The following DLGAP2 variants were observed in gnomAD, a reference collection of about 807,000 sequenced individuals.
DLGAP2 encodes the protein disks large-associated protein 2.
Under a neutral mutation model 100.3 loss-of-function variants are expected in DLGAP2, and 26 were observed. The ratio of observed to expected loss-of-function variants is 0.26; its 90% CI spans 0.19 to 0.36. The LOEUF (loss-of-function observed/expected upper bound fraction) is 0.36, where lower values mean the gene tolerates loss of function less well. Ranked by LOEUF, DLGAP2 falls within the 10% of genes least tolerant of loss-of-function variation. DLGAP2 has a pLI of 1.00. For synonymous variants in DLGAP2, 886 were observed against 630.1 expected, an observed-to-expected ratio of 1.41 and a Z score of -6.08; for missense variants, 1,858 against 1,453.2, an observed-to-expected ratio of 1.28 and a Z score of -4.53.
intron 1 of DLGAP2, among the ~76,000 whole-genome samples, chr8:848,994 T>C (rs190426707): frequency 3.4e-4 from 52 of 152,062 alleles, no homozygotes; most frequent in African/African-American, 1.2e-3. Flanking sequence ...TGTTCCAGCA[T>C]AGGATCGTGA....
chr8:873,406 G>A (rs1160271662), intron 1 of DLGAP2, among the ~76,000 whole-genome samples: 9 of 152,176 alleles, frequency 5.9e-5, no homozygotes, highest in Non-Finnish European at 1.3e-4. Context: ...TCTTGTTCCT[G>A]ATCTTAGAGA....
At position 1,357,354 on chromosome 8, in the gene DLGAP2, C is replaced by T. The variant is rs141302099; in HGVS notation, c.106+98471C>T. On this transcript the variant is annotated intron_variant, in intron 3 of 14. Coordinates refer to ENST00000637795, the MANE Select transcript of DLGAP2 (RefSeq NM_001346810.2). ...CTCATCACACTGACACCCCTGTTCA[C>T]CTAAACCAGATACAACCCCTTCCTG... is the stretch of plus-strand genomic sequence containing the variant. Among the ~76,000 whole-genome samples, 778 of 152,104 alleles carry T rather than the reference C, an allele frequency of 5.1e-3. 6 individuals are homozygous for T. The highest frequency in any genetic ancestry group is 0.017 in the African/African-American group (695 of 41,524).
intron 3 of DLGAP2, among the ~76,000 whole-genome samples, chr8:1,499,044 G>A (rs1191791843): frequency 6.6e-6 from 1 of 152,228 alleles, no homozygotes; most frequent in Non-Finnish European, 1.5e-5. Context: ...AAGGGCGGGT[G>A]GGAGGAGATC....
intron 6 of DLGAP2, among the ~76,000 whole-genome samples, chr8:1,581,389 G>T (rs912823380): frequency 3.2e-4 from 48 of 150,424 alleles, no homozygotes; most frequent in African/African-American, 1.1e-3. Context: ...ACTACCAGAA[G>T]TGAAGGATAC....
At chr8:1,039,930 GCATGGTCGGCTCAGTTTC>G (rs1333611141) in intron 2 of DLGAP2, among the ~76,000 whole-genome samples, 3 of 144,048 alleles carry the variant, frequency 2.1e-5, no homozygotes, top group Non-Finnish European at 3.0e-5. Flanking sequence ...AGCTCGGTGT[GCATGGTCGGCTCAGTTTC>G]CGTGGTCAGC....
At chr8:866,273 T>C (rs1382585472) in intron 1 of DLGAP2, among the ~76,000 whole-genome samples, 1 of 152,158 alleles carries the variant, frequency 6.6e-6, no homozygotes, top group Non-Finnish European at 1.5e-5. Flanking sequence ...TCATGGACTC[T>C]CTTCTACAAG....
chr8:1,485,818 A>G lies in DLGAP2; in HGVS notation c.107-15548A>G, dbSNP rs1053366895. Among the ~76,000 whole-genome samples, 3 of 152,282 alleles carry G rather than the reference A, an allele frequency of 2.0e-5. No homozygotes were observed. In the South Asian group the frequency reaches 6.2e-4, roughly 32 times the overall value. On this transcript the variant is annotated intron_variant, in intron 3 of 14. Coordinates refer to ENST00000637795, the MANE Select transcript of DLGAP2 (RefSeq NM_001346810.2). ...GGCAGATGGATCACTTGAAGTTAGGAGTTTGAGAACAGCCTGGCCAACATG... is the reference window on the plus strand; with the variant it reads ...GGCAGATGGATCACTTGAAGTTAGGGGTTTGAGAACAGCCTGGCCAACATG...
At chr8:1,302,929 G>A (rs944486380) in intron 3 of DLGAP2, among the ~76,000 whole-genome samples, 1 of 152,216 alleles carries the variant, frequency 6.6e-6, no homozygotes, top group Non-Finnish European at 1.5e-5. Flanking sequence ...GCTTTTGGTA[G>A]ATTCAGTAAA....
intron 8 of DLGAP2, among the ~76,000 whole-genome samples, chr8:1,667,853 C>G (rs188659413): frequency 1.6e-4 from 25 of 151,766 alleles, no homozygotes; most frequent in Non-Finnish European, 3.2e-4. Flanking sequence ...CCTTGCCTAG[C>G]TGTGTCTCTG....
At chr8:1,687,993 A>G (rs1215225912) in intron 12 of DLGAP2, among the ~76,000 whole-genome samples, 1 of 152,200 alleles carries the variant, frequency 6.6e-6, no homozygotes. Flanking sequence ...GTCATCAGCG[A>G]GTCCAGGGCT....
At chr8:1,541,708 T>C (rs1190059648) in intron 4 of DLGAP2, among the ~76,000 whole-genome samples, 1 of 152,244 alleles carries the variant, frequency 6.6e-6, no homozygotes, top group East Asian at 1.9e-4. Context: ...AGGATTTCCC[T>C]TAAGCTTTCC....
chr8:1,244,555 A>T (rs1798865446), intron 2 of DLGAP2, among the ~76,000 whole-genome samples: 1 of 152,208 alleles, frequency 6.6e-6, no homozygotes, highest in African/African-American at 2.4e-5. Context: ...AATGAGTAGG[A>T]TTTCTACAAA....
intron 3 of DLGAP2, among the ~76,000 whole-genome samples, chr8:1,305,267 G>A (rs1800463965): frequency 2.0e-5 from 3 of 152,208 alleles, no homozygotes; most frequent in South Asian, 2.1e-4. Flanking sequence ...GACAGCATAT[G>A]TGAGGTGCCT....
chr8:1,561,650 C>T (rs1051224161), intron 5 of DLGAP2, among the ~76,000 whole-genome samples: 1 of 152,194 alleles, frequency 6.6e-6, no homozygotes, highest in Non-Finnish European at 1.5e-5. Flanking sequence ...GCACCGTGAC[C>T]CACAGGGGCC....
chr8:931,647 C>G (rs906737670), intron 2 of DLGAP2, among the ~76,000 whole-genome samples: 3 of 152,206 alleles, frequency 2.0e-5, no homozygotes, highest in Non-Finnish European at 4.4e-5. Flanking sequence ...CCTTGCCAGC[C>G]CATTCTGAGT....
chr8:1,064,967 G>C (rs1256088358), intron 2 of DLGAP2, among the ~76,000 whole-genome samples: 1 of 152,170 alleles, frequency 6.6e-6, no homozygotes, highest in Non-Finnish European at 1.5e-5. Context: ...AAGGTGGTTT[G>C]AAAGGCATGC....
rs576072613 is a variant in DLGAP2, at chr8:1,026,714, G to GA, written c.73+118750dup. ...ATTGAAAACTGAAATTAAACATATGGAATACTGCACATGGCTCAGGTTTCT... is the reference window on the plus strand; with the variant it reads ...ATTGAAAACTGAAATTAAACATATGGAAATACTGCACATGGCTCAGGTTTCT... On this transcript the variant is annotated intron_variant, in intron 2 of 14. Coordinates refer to ENST00000637795, the MANE Select transcript of DLGAP2 (RefSeq NM_001346810.2). Among the ~76,000 whole-genome samples the GA allele has an allele frequency of 1.7e-4, 26 of 152,276 alleles. No individual in the cohort carries two copies. The East Asian group carries it at 4.8e-3, about 28-fold the overall frequency.
chr8:1,417,276 G>A (rs1048927165), intron 3 of DLGAP2, among the ~76,000 whole-genome samples: 7 of 152,020 alleles, frequency 4.6e-5, no homozygotes, highest in Admixed American at 4.6e-4. Context: ...GTCTGAGGCG[G>A]GAGGAGAGAC....
intron 1 of DLGAP2, among the ~76,000 whole-genome samples, chr8:835,315 C>G (rs1796852340): frequency 6.6e-6 from 1 of 151,896 alleles, no homozygotes; most frequent in Non-Finnish European, 1.5e-5. Flanking sequence ...TTATCTGCTT[C>G]CAAAATCTAG....
Sources: gnomAD v4.1 joint callset for allele counts (sites outside exome capture counted in the v4.1 genomes callset) on GRCh38, gnomAD v4.1.1 for gene constraint, MANE v1.5 for transcripts, NCBI Gene and HGNC (gene_info 2026-07-23, HGNC 2026-07-21) for gene names.